The following PAH variants were observed in gnomAD, a reference collection of about 807,000 sequenced individuals.
The protein encoded by PAH is phenylalanine hydroxylase, also known as phenylalanine-4-hydroxylase.
PAH carries 64 observed loss-of-function variants against 62.0 expected under a neutral mutation model. The ratio of observed to expected loss-of-function variants is 1.03; its 90% confidence interval spans 0.84 to 1.27. The LOEUF (loss-of-function observed/expected upper bound fraction) is 1.27. Among genes scored for constraint, PAH ranks in the 50% most tolerant of loss-of-function variants. The probability of loss-of-function intolerance (pLI) is 0.00; values close to 1 mark genes in which losing one functional copy is unlikely to be tolerated. For synonymous variants in PAH, 195 were observed against 196.2 expected (o/e 0.99, Z 0.05); for missense variants, 579 against 542.8 (o/e 1.07, Z -0.66).
intron 11 of PAH, among the ~76,000 whole-genome samples, chr12:102,841,105 G>A (rs1210860610): frequency 6.6e-6 from 1 of 152,138 alleles, no homozygotes; most frequent in East Asian, 1.9e-4. Context: ...TATGGATGAG[G>A]AAACAGGCTT....
intron 3 of PAH, among the ~76,000 whole-genome samples, chr12:102,889,199 T>C (rs897902764): frequency 2.0e-5 from 3 of 152,138 alleles, no homozygotes; most frequent in Non-Finnish European, 4.4e-5. Context: ...TCCCAGGGGC[T>C]TTTCAGAGCC....
exon 1 of PAH, chr12:102,958,281 G>T (rs757273309): frequency 2.7e-6 from 4 of 1,476,050 alleles, no homozygotes; most frequent in Non-Finnish European, 3.6e-6. Flanking sequence ...CGGCGGCGCC[G>T]GCCAGCAGCC....
intron 1 of PAH, among the ~76,000 whole-genome samples, chr12:102,934,536 A>G (rs1879029360): frequency 1.3e-5 from 2 of 151,534 alleles, no homozygotes; most frequent in Non-Finnish European, 3.0e-5. Context: ...TAACAATATT[A>G]TTTTTTCCAA....
upstream of PAH, among the ~76,000 whole-genome samples, chr12:102,954,649 A>T (rs769886083): frequency 2.0e-5 from 3 of 152,182 alleles, no homozygotes; most frequent in Non-Finnish European, 2.9e-5. Flanking sequence ...AGGAGAGCAG[A>T]ACATGTGGCC....
At chr12:102,903,127 A>G (rs1451482490) in intron 2 of PAH, among the ~76,000 whole-genome samples, 1 of 152,184 alleles carries the variant, frequency 6.6e-6, no homozygotes, top group East Asian at 1.9e-4. Flanking sequence ...CTGGGAGGCC[A>G]AGGCAGGTGG....
Position 102,897,492 on chromosome 12 carries a change from T to TATATATACATATATAA in PAH, c.169-2575_169-2574insTTATATATGTATATAT, listed in dbSNP as rs1379613102. On this transcript the variant is annotated intron_variant, in intron 2 of 12. Coordinates refer to ENST00000553106, the MANE Select transcript of PAH (RefSeq NM_000277.3). ...ATATATATATATATATATATATATA[T>TATATATACATATATAA]AATTCAAACTGACATTTATTCTTGG... 1.9e-3 allele frequency among the ~76,000 whole-genome samples: 259 copies of TATATATACATATATAA among 137,290 alleles called. 1 individual carries two copies. Among genetic ancestry groups the TATATATACATATATAA allele is most frequent in the African/African-American group, 7.7e-3 (241 of 31,152 alleles). The allele number at this position is 137,290 out of a possible 152,430, so 90.1% of individuals were successfully genotyped here. A position where few individuals can be genotyped will look rare whatever the true frequency, so the allele number is the denominator to read the frequency against.
intron 5 of PAH, among the ~76,000 whole-genome samples, chr12:102,864,858 T>G (rs1240804692): frequency 2.0e-5 from 3 of 150,742 alleles, no homozygotes; most frequent in Admixed American, 6.6e-5. Context: ...AAGAGACTAT[T>G]TTGAAGAAGA....
intron 5 of PAH, among the ~76,000 whole-genome samples, chr12:102,860,837 G>A (rs985010560): frequency 1.6e-4 from 24 of 152,260 alleles, no homozygotes; most frequent in African/African-American, 5.5e-4. Flanking sequence ...ATTAATTCAA[G>A]ATGGATTAAA....
At chr12:102,864,673 C>A (rs1875870098) in intron 5 of PAH, among the ~76,000 whole-genome samples, 1 of 152,002 alleles carries the variant, frequency 6.6e-6, no homozygotes, top group South Asian at 2.1e-4. Context: ...TGGAGATATA[C>A]ACCTCAGTAG....
intron 6 of PAH, chr12:102,853,380 G>C (rs975382642): frequency 9.3e-5 from 28 of 299,840 alleles, no homozygotes; most frequent in South Asian, 2.0e-4. Flanking sequence ...AGTATGGATA[G>C]AGTGCTTCCA....
chr12:102,867,627 A>G (rs1246652745), intron 4 of PAH, among the ~76,000 whole-genome samples: 2 of 152,062 alleles, frequency 1.3e-5, no homozygotes, highest in African/African-American at 4.8e-5. Context: ...TTTAGCTCAC[A>G]ATTTCTCTGC....
At chr12:102,842,472 G>A (rs976007505) in intron 11 of PAH, among the ~76,000 whole-genome samples, 17 of 152,130 alleles carry the variant, frequency 1.1e-4, no homozygotes, top group Non-Finnish European at 1.6e-4. Context: ...AAGAAAGTTA[G>A]TCCTCTTTGA....
upstream of PAH, among the ~76,000 whole-genome samples, chr12:102,952,915 C>T (rs562805307): frequency 6.6e-6 from 1 of 152,296 alleles, no homozygotes; most frequent in East Asian, 1.9e-4. Flanking sequence ...CTGAGCAGGC[C>T]CTCCAAGGCT....
chr12:102,844,451 T>G lies in PAH; in HGVS notation c.970-20A>C. 1 of 1,495,684 alleles carries G rather than the reference T, an allele frequency of 6.7e-7. No individual in the cohort carries two copies. The highest frequency in any genetic ancestry group is 9.3e-7 in the Non-Finnish European group (1 of 1,072,548). 92.7% of individuals were successfully genotyped at this position (1,495,684 alleles called of 1,614,324 possible). A position where few individuals can be genotyped will look rare whatever the true frequency, so the allele number is the denominator to read the frequency against. On this transcript the variant is annotated intron_variant, in intron 9 of 12. Transcript: ENST00000553106. ...GTAAATCTGGAATGGAAAGTCAATC[T>G]GAGAGCACACTCTATGATGGTTAAT...
chr12:102,881,541 A>G (rs1051876076), intron 3 of PAH, among the ~76,000 whole-genome samples: 4 of 152,126 alleles, frequency 2.6e-5, no homozygotes, highest in African/African-American at 9.7e-5. Flanking sequence ...AATAGTCACC[A>G]TGCAGTACAT....
At chr12:102,952,768 C>G (rs1241589127), upstream of PAH, among the ~76,000 whole-genome samples, 1 of 152,048 alleles carries the variant, frequency 6.6e-6, no homozygotes, top group African/African-American at 2.4e-5. Flanking sequence ...TTTTTTCAAA[C>G]TTTTTTCTTT....
intron 3 of PAH, among the ~76,000 whole-genome samples, chr12:102,885,219 T>A (rs1876983038): frequency 6.6e-6 from 1 of 152,210 alleles, no homozygotes; most frequent in Non-Finnish European, 1.5e-5. Context: ...GGATAGTCAC[T>A]TTTTAACCTA....
intron 1 of PAH, among the ~76,000 whole-genome samples, chr12:102,949,020 G>T (rs1275540189): frequency 6.6e-6 from 1 of 151,988 alleles, no homozygotes; most frequent in Non-Finnish European, 1.5e-5. Context: ...TGCAGTTTGC[G>T]AAATAACCGG....
intron 1 of PAH, among the ~76,000 whole-genome samples, chr12:102,934,537 T>C (rs563677384): frequency 6.6e-6 from 1 of 152,198 alleles, no homozygotes; most frequent in East Asian, 1.9e-4. Context: ...AACAATATTA[T>C]TTTTTCCAAT....
Sources: gnomAD v4.1 joint callset for allele counts (sites outside exome capture counted in the v4.1 genomes callset) on GRCh38, gnomAD v4.1.1 for gene constraint, MANE v1.5 for transcripts, NCBI Gene and HGNC (gene_info 2026-07-23, HGNC 2026-07-21) for gene names.